Variants in SHISA6 observed in about 807,000 individuals in gnomAD.
SHISA6 encodes the protein shisa family member 6.
SHISA6 carries 22 observed loss-of-function variants against 47.9 expected under a neutral mutation model. The observed-to-expected ratio is 0.46, with a 90% CI of 0.33 to 0.66. The LOEUF (loss-of-function observed/expected upper bound fraction) is 0.66. Among genes scored for constraint, SHISA6 ranks in the 30% least tolerant of loss-of-function variants. SHISA6 has a pLI of 0.02. For synonymous variants in SHISA6, 388 were observed against 337.8 expected, an observed-to-expected ratio of 1.15 and a Z score of -1.63; for missense variants, 680 against 764.6, an observed-to-expected ratio of 0.89 and a Z score of 1.30.
intron 3 of SHISA6, among the ~76,000 whole-genome samples, chr17:11,448,966 TTTTATA>T (rs1567608646): frequency 6.6e-6 from 1 of 152,168 alleles, no homozygotes; most frequent in East Asian, 1.9e-4. Flanking sequence ...TAAGTAAAAG[TTTTATA>T]TTTATATTTT....
chr17:11,290,794 T>G (rs979926843), intron 2 of SHISA6: 1 of 152,070 alleles, frequency 6.6e-6, no homozygotes, highest in African/African-American at 2.4e-5. Context: ...TCAAAACAAT[T>G]AAATATTGTC....
chr17:11,364,544 C>T (rs1912383950), intron 2 of SHISA6, among the ~76,000 whole-genome samples: 1 of 152,184 alleles, frequency 6.6e-6, no homozygotes. Context: ...AAGTATTTCA[C>T]ATAAGTATTT....
chr17:11,454,947 A>T (rs189102125), intron 3 of SHISA6, among the ~76,000 whole-genome samples: 1 of 152,098 alleles, frequency 6.6e-6, no homozygotes, highest in African/African-American at 2.4e-5. Context: ...AGGTGGGTGG[A>T]TCACGAGGTC....
At position 11,385,526 on chromosome 17, in the gene SHISA6, G is replaced by A. The variant is rs905516664; in HGVS notation, c.895+6017G>A. 2.6e-5 allele frequency among the ~76,000 whole-genome samples: 4 copies of A among 152,290 alleles called. No individual in the cohort carries two copies. In the South Asian group the frequency reaches 6.2e-4, roughly 24 times the overall value. ...TTTAGGCAGAGATCAGGACGCATACGAATTCAGTGTGTCTTCATGTTAAGT... is the reference window on the plus strand; with the variant it reads ...TTTAGGCAGAGATCAGGACGCATACAAATTCAGTGTGTCTTCATGTTAAGT... On this transcript the variant is annotated intron_variant, in intron 3 of 5. Transcript: ENST00000441885.
In SHISA6 at chr17:11,285,033, C is replaced by T. The variant is rs190232037; in HGVS notation, c.799+21507C>T. On this transcript the variant is annotated intron_variant, in intron 2 of 5. Coordinates refer to ENST00000441885, the MANE Select transcript of SHISA6 (RefSeq NM_207386.4). ...TGCTAAACACGGGCCATCTTGCTAA[C>T]ACATGTGTCTTTTGGCTGATATGAA... Among the ~76,000 whole-genome samples, 278 of 152,320 alleles carry T rather than the reference C, an allele frequency of 1.8e-3. 2 individuals carry two copies. Among genetic ancestry groups the T allele is most frequent in the African/African-American group, 6.2e-3 (257 of 41,582 alleles).
intron 2 of SHISA6, among the ~76,000 whole-genome samples, chr17:11,323,758 AG>A (rs1472060601): frequency 6.6e-6 from 1 of 152,034 alleles, no homozygotes; most frequent in African/African-American, 2.4e-5. Context: ...CTCCCAGTCC[AG>A]GTTGCAGCAC....
At chr17:11,370,054 C>A (rs897668780) in intron 2 of SHISA6, among the ~76,000 whole-genome samples, 1 of 152,110 alleles carries the variant, frequency 6.6e-6, no homozygotes, top group East Asian at 1.9e-4. Flanking sequence ...AATAGAGGGG[C>A]GAGAAAAGGT....
chr17:11,426,914 C>A (rs567555022), intron 3 of SHISA6, among the ~76,000 whole-genome samples: 1 of 152,118 alleles, frequency 6.6e-6, no homozygotes, highest in African/African-American at 2.4e-5. Flanking sequence ...TTTCCACAAC[C>A]CTTCTTTGCA....
At chr17:11,417,479 C>T (rs1344459595) in intron 3 of SHISA6, among the ~76,000 whole-genome samples, 2 of 152,214 alleles carry the variant, frequency 1.3e-5, no homozygotes. Context: ...CACGTGGCCT[C>T]ACCCTGGGGT....
At chr17:11,362,196 G>A (rs966316390) in intron 2 of SHISA6, among the ~76,000 whole-genome samples, 3 of 152,102 alleles carry the variant, frequency 2.0e-5, no homozygotes, top group African/African-American at 7.2e-5. Context: ...CTGGAGTACA[G>A]AGGCATGATC....
chr17:11,545,052 T>C (rs2071871897), intron 3 of SHISA6, among the ~76,000 whole-genome samples: 1 of 151,772 alleles, frequency 6.6e-6, no homozygotes, highest in Non-Finnish European at 1.5e-5. Context: ...TATGAAGCTG[T>C]ATGTTGACAT....
chr17:11,351,039 G>A (rs766857629), intron 2 of SHISA6, among the ~76,000 whole-genome samples: 3 of 151,942 alleles, frequency 2.0e-5, no homozygotes, highest in Non-Finnish European at 4.4e-5. Context: ...GCTAACACAG[G>A]AACAGAAAAC....
chr17:11,504,681 G>A (rs2071483403), intron 3 of SHISA6, among the ~76,000 whole-genome samples: 1 of 152,140 alleles, frequency 6.6e-6, no homozygotes, highest in Admixed American at 6.6e-5. Context: ...CAGTGAGCTG[G>A]AACATCAGGG....
chr17:11,398,450 C>A (rs1024992173), intron 3 of SHISA6, among the ~76,000 whole-genome samples: 18 of 152,090 alleles, frequency 1.2e-4, no homozygotes, highest in African/African-American at 4.3e-4. Context: ...TGCTTCTTTC[C>A]CTATTTTACT....
intron 2 of SHISA6, among the ~76,000 whole-genome samples, chr17:11,368,277 G>A (rs982612497): frequency 7.1e-6 from 1 of 140,324 alleles, no homozygotes; most frequent in Non-Finnish European, 1.5e-5. Context: ...GAGATGGAGC[G>A]CTTCCTTTTG....
At chr17:11,532,378 T>C (rs1172711785) in intron 3 of SHISA6, among the ~76,000 whole-genome samples, 1 of 152,214 alleles carries the variant, frequency 6.6e-6, no homozygotes, top group African/African-American at 2.4e-5. Context: ...CTCTGAGACG[T>C]TGGTGCCTGG....
intron 3 of SHISA6, among the ~76,000 whole-genome samples, chr17:11,423,699 C>T (rs1305467905): frequency 1.3e-5 from 2 of 151,958 alleles, no homozygotes; most frequent in East Asian, 1.9e-4. Context: ...GCCGCCAAAA[C>T]TGCAAAATAA....
intron 3 of SHISA6, among the ~76,000 whole-genome samples, chr17:11,454,584 C>G (rs1347013548): frequency 6.6e-6 from 1 of 152,176 alleles, no homozygotes; most frequent in East Asian, 1.9e-4. Flanking sequence ...CCAGACCAAG[C>G]TGAGCCATCC....
At chr17:11,247,143 A>T (rs1907623319) in intron 1 of SHISA6, among the ~76,000 whole-genome samples, 1 of 152,208 alleles carries the variant, frequency 6.6e-6, no homozygotes, top group South Asian at 2.1e-4. Flanking sequence ...GAGAGATCGG[A>T]TTGACCGTGC....
Sources: allele counts gnomAD v4.1 joint callset (sites outside exome capture counted in the v4.1 genomes callset), GRCh38; gene constraint gnomAD v4.1.1; transcripts MANE v1.5; gene names NCBI Gene and HGNC (gene_info 2026-07-23, HGNC 2026-07-21).